The following M6PR variants were observed in gnomAD, a reference collection of about 807,000 sequenced individuals.
M6PR encodes cation-dependent mannose-6-phosphate receptor.
Under a neutral mutation model 33.1 loss-of-function variants are expected in M6PR, and 19 were observed. That is an observed-to-expected ratio of 0.57 (90% CI 0.40 to 0.84). The LOEUF is 0.84. Ranked by LOEUF, M6PR falls within the 40% of genes least tolerant of loss-of-function variation. The probability of loss-of-function intolerance (pLI) is 0.00; values close to 1 mark genes in which losing one functional copy is unlikely to be tolerated. For missense variants in M6PR, 295 were observed against 336.0 expected (o/e 0.88, Z 0.95); for synonymous variants, 111 against 123.4 (o/e 0.90, Z 0.67).
chr12:8,947,029 T>G (rs1310864925), intron 1 of M6PR, among the ~76,000 whole-genome samples: 2 of 152,206 alleles, frequency 1.3e-5, no homozygotes. Context: ...CTTATCCATC[T>G]TCATACCCAG....
rs117853681 is a variant in M6PR, at chr12:8,945,394, T to C, written c.343+24A>G. 2,958 of 1,612,880 alleles carry C rather than the reference T, an allele frequency of 1.8e-3. 4 individuals carry two copies. The highest frequency in any genetic ancestry group is 2.3e-3 in the Non-Finnish European group (2,731 of 1,179,212). On this transcript the variant is annotated intron_variant, in intron 3 of 6. Coordinates refer to ENST00000000412, the MANE Select transcript of M6PR (RefSeq NM_002355.4). ...GACTTGGGATCAGTTAGTCAATCGATGGTAGGAAGGGGAGTTTTCTTACTT... is the reference window on the plus strand; with the variant it reads ...GACTTGGGATCAGTTAGTCAATCGACGGTAGGAAGGGGAGTTTTCTTACTT...
chr12:8,944,263 AG>A (rs1247383328), intron 3 of M6PR, among the ~76,000 whole-genome samples: 3 of 152,238 alleles, frequency 2.0e-5, no homozygotes, highest in African/African-American at 7.2e-5. Context: ...GCTGAGCAGC[AG>A]GGGTAAGCCC....
At position 8,941,536 on chromosome 12, in the gene M6PR, TG is replaced by T. The variant is rs1475157405; in HGVS notation, c.*281del. The T allele has an allele frequency of 3.3e-6, 1 of 298,772 alleles. No individual in the cohort carries two copies. The allele number at this position is 298,772 out of a possible 1,614,324, so 18.5% of individuals were successfully genotyped here. On this transcript the variant is annotated 3_prime_UTR_variant, in exon 7 of 7. Coordinates refer to ENST00000000412, the MANE Select transcript of M6PR (RefSeq NM_002355.4). ...TACACCATTTTGCCCATATGCCTAT[TG>T]TAACTTCTGATGTCAAGAGACAATG... is the stretch of plus-strand genomic sequence containing the variant.
In M6PR at chr12:8,943,865, T is replaced by C. The variant is rs746415937; in HGVS notation, c.389A>G (p.Asn130Ser). 2 of 1,613,768 alleles carry C rather than the reference T, an allele frequency of 1.2e-6. No homozygotes were observed. The highest frequency in any genetic ancestry group is 1.1e-5 in the South Asian group (1 of 91,048). Residue 130 changes from asparagine to serine, a missense_variant, in exon 4 of 7, where the codon AAC becomes AGC. Asn to Ser is a conservative substitution (Grantham distance 46, BLOSUM62 1). Coordinates refer to ENST00000000412, the MANE Select transcript of M6PR (RefSeq NM_002355.4). Reference protein sequence around the residue: ...LIYKGGDEYDNHCGKEQRRAV... With the variant: ...LIYKGGDEYDSHCGKEQRRAV... ...ACGACGCTGCTCCTTGCCACAGTGG[T>C]TGTCATATTCATCACCCCCTTTATA...
chr12:8,947,183 C>T (rs1432527408), intron 1 of M6PR, among the ~76,000 whole-genome samples: 4 of 152,160 alleles, frequency 2.6e-5, no homozygotes, highest in Non-Finnish European at 4.4e-5. Flanking sequence ...ACAAAAAACG[C>T]TGCAAGTCTG....
In M6PR at chr12:8,941,748, G is replaced by A. The variant is rs1946011749; in HGVS notation, c.*70C>T. The A allele has an allele frequency of 6.3e-7, 1 of 1,593,746 alleles. No individual in the cohort carries two copies. Among genetic ancestry groups the A allele is most frequent in the Non-Finnish European group, 8.6e-7 (1 of 1,162,628 alleles). On this transcript the variant is annotated 3_prime_UTR_variant, in exon 7 of 7. Coordinates refer to ENST00000000412, the MANE Select transcript of M6PR (RefSeq NM_002355.4). The stretch of plus-strand genomic sequence containing the variant: ...GAGATGAGGGACTGGAGTTGAGACT[G>A]CTTGAGAAATCTGGCTGTGTAGCTT...
At chr12:8,948,023 T>C (rs1321183094) in intron 1 of M6PR, among the ~76,000 whole-genome samples, 1 of 152,176 alleles carries the variant, frequency 6.6e-6, no homozygotes, top group African/African-American at 2.4e-5. Context: ...TAGACTGACT[T>C]AGCCTGCCAT....
At position 8,946,224 on chromosome 12, in the gene M6PR, T is replaced by C; in HGVS notation, c.176+5A>G. ...CTCAAGCTCTTTAAGGTTCTTCTCA[T>C]TTACCTTTTATTAAACAGTGGTTTC... On this transcript the variant is annotated splice_donor_5th_base_variant and intron_variant, in intron 2 of 6. Coordinates refer to ENST00000000412, the MANE Select transcript of M6PR (RefSeq NM_002355.4). 6.2e-7 allele frequency: 1 copy of C among 1,612,318 alleles called. No homozygotes were observed. The highest frequency in any genetic ancestry group is 8.5e-7 in the Non-Finnish European group (1 of 1,178,920).
Position 8,941,724 on chromosome 12 carries a change from A to G in M6PR, c.*94T>C. 1 of 1,476,682 alleles carries G rather than the reference A, an allele frequency of 6.8e-7. No individual in the cohort carries two copies. The highest frequency in any genetic ancestry group is 9.4e-7 in the Non-Finnish European group (1 of 1,060,842). The allele number at this position is 1,476,682 out of a possible 1,614,324, so 91.5% of individuals were successfully genotyped here. A position where few individuals can be genotyped will look rare whatever the true frequency, so the allele number is the denominator to read the frequency against. On this transcript the variant is annotated 3_prime_UTR_variant, in exon 7 of 7. Coordinates refer to ENST00000000412, the MANE Select transcript of M6PR (RefSeq NM_002355.4). ...GAAAGCAAGAGCAATAGTAAGGGTGAGATGAGGGACTGGAGTTGAGACTGC... is the reference window on the plus strand; with the variant it reads ...GAAAGCAAGAGCAATAGTAAGGGTGGGATGAGGGACTGGAGTTGAGACTGC...
At chr12:8,942,350 C>T (rs540300571) in intron 6 of M6PR, 66 bp downstream of exon 6, 64 of 1,610,988 alleles carry the variant, frequency 4.0e-5, no homozygotes, top group East Asian at 3.6e-4. Context: ...TGTGAACAAA[C>T]GAGGATGGTT....
intron 1 of M6PR, 66 bp from the exon 2 acceptor site, chr12:8,946,471 G>C (rs952533340): frequency 1.7e-6 from 2 of 1,208,604 alleles, no homozygotes; most frequent in Non-Finnish European, 2.4e-6. Context: ...GAGATAAAGC[G>C]TATGAATGTG....
chr12:8,943,361 CAA>C (rs1392506209), intron 5 of M6PR, 42 bp downstream of exon 5: 2 of 1,611,154 alleles, frequency 1.2e-6, no homozygotes, highest in East Asian at 2.2e-5. Context: ...ACCTTAAAAA[CAA>C]AAGGAAGGAA....
intron 5 of M6PR, 39 bp downstream of exon 5, chr12:8,943,366 G>A (rs1198723078): frequency 6.2e-7 from 1 of 1,611,194 alleles, no homozygotes; most frequent in African/African-American, 1.3e-5. Context: ...AAAAACAAAA[G>A]GAAGGAAGGT....
chr12:8,942,162 G>C, intron 6 of M6PR: 1 of 688,870 alleles, frequency 1.5e-6, no homozygotes, highest in Non-Finnish European at 2.4e-6. Flanking sequence ...CCTCTTAAAA[G>C]CTAAATCAGA....
rs1946050817 is a variant in M6PR at position 8,943,323 on chromosome 12, G to A, written c.584+82C>T. ...ACAGCATAATGTACACATACAATTT[G>A]TGCTTATGTACCACCATATAGTTAC... On this transcript the variant is annotated intron_variant, in intron 5 of 6. Coordinates refer to ENST00000000412, the MANE Select transcript of M6PR (RefSeq NM_002355.4). 2.0e-6 allele frequency: 3 copies of A among 1,489,982 alleles called. No homozygotes were observed. The Admixed American group carries it at 5.4e-5, about 27-fold the overall frequency. The allele number at this position is 1,489,982 out of a possible 1,614,324, so 92.3% of individuals were successfully genotyped here. A position where few individuals can be genotyped will look rare whatever the true frequency, so the allele number is the denominator to read the frequency against.
At chr12:8,942,122 T>C in intron 6 of M6PR, 182 bp from the exon 7 acceptor site, 1 of 745,716 alleles carries the variant, frequency 1.3e-6, no homozygotes, top group Non-Finnish European at 2.1e-6. Flanking sequence ...AGTTTCTTCT[T>C]ATTAGGCCTC....
At position 8,941,957 on chromosome 12, in the gene M6PR, A is replaced by G. The variant is rs191441116; in HGVS notation, c.712-17T>C. On this transcript the variant is annotated splice_polypyrimidine_tract_variant and intron_variant, in intron 6 of 6. Coordinates refer to ENST00000000412, the MANE Select transcript of M6PR (RefSeq NM_002355.4). ...ACAGCCATCCTGTAGGGGGAAAAAAAAGAAGGAAATAATTCGCAGCATCTA... is the reference window on the plus strand; with the variant it reads ...ACAGCCATCCTGTAGGGGGAAAAAAGAGAAGGAAATAATTCGCAGCATCTA... The G allele has an allele frequency of 1.0e-4, 168 of 1,613,812 alleles. 1 individual carries two copies. In the African/African-American group the frequency reaches 2.0e-3, roughly 19 times the overall value.
intron 4 of M6PR, 127 bp downstream of exon 4, chr12:8,943,674 G>C (rs2137164978): frequency 1.5e-6 from 2 of 1,329,466 alleles, no homozygotes; most frequent in East Asian, 2.3e-5. Context: ...CTGACACAGA[G>C]AGAAACTGAG....
chr12:8,943,734 T>G, intron 4 of M6PR, 67 bp downstream of exon 4: 1 of 1,452,126 alleles, frequency 6.9e-7, no homozygotes, highest in Non-Finnish European at 9.7e-7. Flanking sequence ...CCTCTGGATA[T>G]TCTCCCCAAC....
Sources: allele counts gnomAD v4.1 joint callset (sites outside exome capture counted in the v4.1 genomes callset), GRCh38; gene constraint gnomAD v4.1.1; transcripts MANE v1.5; gene names NCBI Gene and HGNC (gene_info 2026-07-23, HGNC 2026-07-21).